Variants in VRK2 observed in about 807,000 individuals in gnomAD.
VRK2 encodes the protein serine/threonine-protein kinase VRK2.
Under a neutral mutation model 57.6 loss-of-function variants are expected in VRK2, and 60 were observed. That is an observed-to-expected ratio of 1.04 (90% CI 0.85 to 1.29). The LOEUF (loss-of-function observed/expected upper bound fraction) is 1.29. VRK2 is among the 50% of genes most tolerant of loss of function. The pLI, the probability that VRK2 is intolerant of heterozygous loss-of-function variation, is 0.00. For missense variants in VRK2, 705 were observed against 588.1 expected (o/e 1.20, Z -2.06); for synonymous variants, 231 against 199.2 (o/e 1.16, Z -1.35).
At chr2:57,963,117 C>A (rs1671810413) in intron 1 of VRK2, among the ~76,000 whole-genome samples, 1 of 152,138 alleles carries the variant, frequency 6.6e-6, no homozygotes, top group Non-Finnish European at 1.5e-5. Flanking sequence ...TAGAGTCATG[C>A]CATCAAAGGA....
At chr2:58,156,635 A>T (rs1683919743) in intron 12 of VRK2, among the ~76,000 whole-genome samples, 1 of 151,230 alleles carries the variant, frequency 6.6e-6, no homozygotes, top group African/African-American at 2.5e-5. Context: ...CCTCTAGTTG[A>T]TTGTCAAATC....
Position 58,046,868 on chromosome 2 carries a change from G to C in VRK2, c.-6G>C, listed in dbSNP as rs1474032277. 2.0e-6 allele frequency: 2 copies of C among 985,298 alleles called. No individual in the cohort carries two copies. The highest frequency in any genetic ancestry group is 2.4e-6 in the Non-Finnish European group (2 of 829,922). The allele number at this position is 985,298 out of a possible 1,614,324, so 61.0% of individuals were successfully genotyped here. A position where few individuals can be genotyped will look rare whatever the true frequency, so the allele number is the denominator to read the frequency against. Reference sequence around the variant, plus strand: ...CCGGCGACGGGGGATCCTGAGGCCCGGTCAGTCTCTTGCTCTGGGGTCTTG... The same window carrying C: ...CCGGCGACGGGGGATCCTGAGGCCCCGTCAGTCTCTTGCTCTGGGGTCTTG... On this transcript the variant is annotated splice_region_variant and 5_prime_UTR_variant, in exon 1 of 13. Coordinates refer to ENST00000340157, the MANE Select transcript of VRK2 (RefSeq NM_006296.7).
chr2:58,000,341 C>CT (rs945751585), intron 1 of VRK2, among the ~76,000 whole-genome samples: 2 of 152,144 alleles, frequency 1.3e-5, no homozygotes, highest in African/African-American at 4.8e-5. Context: ...CTTCATTATA[C>CT]TATAAAAGAA....
At chr2:58,153,646 C>T (rs1010743769) in intron 12 of VRK2, among the ~76,000 whole-genome samples, 2 of 152,036 alleles carry the variant, frequency 1.3e-5, no homozygotes, top group African/African-American at 4.8e-5. Context: ...TACATCTGTG[C>T]TCATGAGAGC....
At chr2:58,146,820 A>G (rs1341565284) in intron 12 of VRK2, among the ~76,000 whole-genome samples, 3 of 151,962 alleles carry the variant, frequency 2.0e-5, no homozygotes, top group Non-Finnish European at 4.4e-5. Flanking sequence ...ATAATCAAAT[A>G]TAAGTGAAGT....
At chr2:58,137,201 T>TA (rs1558687059) in intron 10 of VRK2, among the ~76,000 whole-genome samples, 50 of 25,992 alleles carry the variant, frequency 1.9e-3, no homozygotes, top group African/African-American at 9.3e-3. Flanking sequence ...TACATATATA[T>TA]CTCATATATG....
chr2:57,913,126 AG>A (rs1208883123), intron 1 of VRK2, among the ~76,000 whole-genome samples: 3 of 152,192 alleles, frequency 2.0e-5, no homozygotes, highest in Admixed American at 6.5e-5. Context: ...TTGTTATAGC[AG>A]CCTGAACAGA....
At chr2:58,129,027 C>T (rs894584070) in intron 8 of VRK2, among the ~76,000 whole-genome samples, 2 of 152,048 alleles carry the variant, frequency 1.3e-5, no homozygotes, top group Non-Finnish European at 2.9e-5. Context: ...TTTGAGAATA[C>T]CACAGGCTTT....
intron 12 of VRK2, among the ~76,000 whole-genome samples, chr2:58,152,999 C>T (rs1377077690): frequency 6.6e-6 from 1 of 151,896 alleles, no homozygotes; most frequent in African/African-American, 2.4e-5. Context: ...GAGTAACCAC[C>T]ACAATTATCC....
At chr2:57,932,659 T>C (rs1034931323) in intron 1 of VRK2, among the ~76,000 whole-genome samples, 1 of 152,130 alleles carries the variant, frequency 6.6e-6, no homozygotes, top group Non-Finnish European at 1.5e-5. Flanking sequence ...ATCTTTTCTA[T>C]CATTTTTCTA....
intron 2 of VRK2, among the ~76,000 whole-genome samples, chr2:58,064,376 T>C (rs1668332443): frequency 6.6e-6 from 1 of 152,038 alleles, no homozygotes; most frequent in Non-Finnish European, 1.5e-5. Flanking sequence ...CAGCACCCAC[T>C]ACCCTGATCA....
chr2:57,919,101 A>T (rs1572859230), intron 1 of VRK2, among the ~76,000 whole-genome samples: 1 of 152,260 alleles, frequency 6.6e-6, no homozygotes, highest in East Asian at 1.9e-4. Context: ...ATTATTCTGC[A>T]ATAAATCCTG....
chr2:58,014,631 T>A (rs903628916), intron 1 of VRK2, among the ~76,000 whole-genome samples: 2 of 152,186 alleles, frequency 1.3e-5, no homozygotes, highest in East Asian at 1.9e-4. Context: ...TTCACAAATA[T>A]GCTTTGGGTA....
At chr2:57,984,799 A>G (rs1007026475) in intron 1 of VRK2, among the ~76,000 whole-genome samples, 9 of 152,032 alleles carry the variant, frequency 5.9e-5, no homozygotes, top group Non-Finnish European at 1.0e-4. Flanking sequence ...ATTACTGTTT[A>G]CCCCCCAAAA....
intron 1 of VRK2, among the ~76,000 whole-genome samples, chr2:57,910,686 C>G (rs1256692562): frequency 6.6e-6 from 1 of 151,968 alleles, no homozygotes; most frequent in Admixed American, 6.6e-5. Flanking sequence ...TGTTTGTTAC[C>G]CAACCCAACA....
rs527709481 is a variant in VRK2, at chr2:58,109,410, A to C, written c.544-13691A>C. ...TTGCCTTGTGCTTAAAAGGATCTGT[A>C]GTAGTCCATTCCCATACTGCTATGA... On this transcript the variant is annotated intron_variant, in intron 7 of 12. Coordinates refer to ENST00000340157, the MANE Select transcript of VRK2 (RefSeq NM_006296.7). Among the ~76,000 whole-genome samples, 3 of 152,144 alleles carry C rather than the reference A, an allele frequency of 2.0e-5. No individual in the cohort carries two copies. The East Asian group carries it at 5.8e-4, about 29-fold the overall frequency.
chr2:57,996,560 G>A (rs1352527506), intron 1 of VRK2, among the ~76,000 whole-genome samples: 2 of 152,170 alleles, frequency 1.3e-5, no homozygotes, highest in Non-Finnish European at 2.9e-5. Context: ...CATGTCTTGA[G>A]GAGAATATAG....
chr2:57,915,563 T>TCCA (rs1458910475), intron 1 of VRK2, among the ~76,000 whole-genome samples: 1 of 152,132 alleles, frequency 6.6e-6, no homozygotes, highest in Non-Finnish European at 1.5e-5. Context: ...TGTACCCAAC[T>TCCA]CCACTTCCCT....
chr2:58,134,250 T>A (rs1162377941), intron 9 of VRK2, among the ~76,000 whole-genome samples: 1 of 151,776 alleles, frequency 6.6e-6, no homozygotes, highest in Non-Finnish European at 1.5e-5. Flanking sequence ...CCCTCTCCCT[T>A]CTCCCTTTAA....
Sources: gnomAD v4.1 joint callset for allele counts (sites outside exome capture counted in the v4.1 genomes callset) on GRCh38, gnomAD v4.1.1 for gene constraint, MANE v1.5 for transcripts, NCBI Gene and HGNC (gene_info 2026-07-23, HGNC 2026-07-21) for gene names.